Variants in TCTN1 observed in about 807,000 individuals in gnomAD.
TCTN1 encodes the protein tectonic-1.
Under a neutral mutation model 65.8 loss-of-function variants are expected in TCTN1, and 58 were observed. That is an observed-to-expected ratio of 0.88 (90% CI 0.71 to 1.10). TCTN1 has a LOEUF of 1.10. TCTN1 is among the 50% of genes least tolerant of loss of function. The probability of loss-of-function intolerance (pLI) is 0.00; values close to 1 mark genes in which losing one functional copy is unlikely to be tolerated. For synonymous variants in TCTN1, 273 were observed against 289.1 expected (o/e 0.94, Z 0.57); for missense variants, 645 against 719.4 (o/e 0.90, Z 1.18).
chr12:110,640,651 C>A lies in TCTN1; in HGVS notation c.978+134C>A. On this transcript the variant is annotated intron_variant, in intron 8 of 14. Transcript: ENST00000397659. The surrounding 1 kb of genome is among the most constrained non-coding windows in gnomAD (Gnocchi z 4.9). ...TGGCTTTTCTTGGCTCAGCTGCCTGCTTGTCTTTCTGCTGTCTCATCAAAG... is the reference window on the plus strand; with the variant it reads ...TGGCTTTTCTTGGCTCAGCTGCCTGATTGTCTTTCTGCTGTCTCATCAAAG... The A allele has an allele frequency of 8.0e-7, 1 of 1,254,574 alleles. No individual in the cohort carries two copies. The highest frequency in any genetic ancestry group is 1.2e-6 in the Non-Finnish European group (1 of 866,108). 77.7% of individuals were successfully genotyped at this position (1,254,574 alleles called of 1,614,324 possible).
intron 11 of TCTN1, chr12:110,643,555 C>A (rs1219304580): frequency 6.6e-6 from 1 of 151,982 alleles, no homozygotes. Context: ...TTTATTGTTT[C>A]CATTAAGGAA....
intron 4 of TCTN1, among the ~76,000 whole-genome samples, chr12:110,631,388 C>T (rs965399449): frequency 4.0e-5 from 6 of 151,150 alleles, no homozygotes; most frequent in Middle Eastern, 3.4e-3. Context: ...AATCCCAGCA[C>T]TTTGGGAGGC....
intron 7 of TCTN1, among the ~76,000 whole-genome samples, chr12:110,638,326 A>G (rs575772736): frequency 6.6e-6 from 1 of 152,354 alleles, no homozygotes; most frequent in South Asian, 2.1e-4. Flanking sequence ...TGTGCTCTAA[A>G]GGACAAGCAT....
chr12:110,648,909 C>A, intron 14 of TCTN1, 134 bp from the exon 15 acceptor site: 1 of 404,906 alleles, frequency 2.5e-6, no homozygotes, highest in South Asian at 1.8e-5. Context: ...GCTGATGCAG[C>A]TGGGGCACAC....
intron 2 of TCTN1, among the ~76,000 whole-genome samples, chr12:110,620,213 C>G (rs887690817): frequency 2.0e-5 from 3 of 152,028 alleles, no homozygotes; most frequent in African/African-American, 4.8e-5. Flanking sequence ...TGGGACCATT[C>G]TGGCTAACAC....
intron 2 of TCTN1, among the ~76,000 whole-genome samples, chr12:110,620,435 T>C (rs1037824382): frequency 1.3e-5 from 2 of 152,032 alleles, no homozygotes; most frequent in African/African-American, 4.8e-5. Context: ...CTATCCCTTA[T>C]TTGCATTCAG....
intron 2 of TCTN1, among the ~76,000 whole-genome samples, chr12:110,622,033 G>T (rs1165241154): frequency 6.6e-6 from 1 of 151,916 alleles, no homozygotes; most frequent in Non-Finnish European, 1.5e-5. Flanking sequence ...AGCTACTCAG[G>T]GGGCTGAGGT....
At chr12:110,645,537 G>C (rs765084872) in intron 12 of TCTN1, 1 of 298,390 alleles carries the variant, frequency 3.4e-6, no homozygotes, top group Non-Finnish European at 6.5e-6. Flanking sequence ...TGACACGATA[G>C]ACGAATGTTG....
intron 1 of TCTN1, among the ~76,000 whole-genome samples, chr12:110,617,782 G>A (rs538352710): frequency 1.3e-5 from 2 of 149,656 alleles, no homozygotes; most frequent in Admixed American, 1.3e-4. Flanking sequence ...CTGGGACTAC[G>A]GGTGTGTGCC....
Position 110,619,923 on chromosome 12 carries a change from G to A in TCTN1, c.308G>A (p.Ser103Asn). The change falls in exon 2 of 15, where the codon AGT becomes AAT. Residue 103 changes from serine (S) to asparagine (N), a missense_variant. Physicochemically the swap from Ser to Asn is conservative, Grantham distance 46 (BLOSUM62 1). Transcript: ENST00000397659. ...CDPDCSSVDF[S>N]VFSACSVPVV... ...CCCGACTGCAGCTCCGTGGATTTCA[G>A]TGTCTTTTCTGCCTGCTCAGTTCCA... The A allele has an allele frequency of 1.2e-6, 2 of 1,614,114 alleles. No individual in the cohort carries two copies. Among genetic ancestry groups the A allele is most frequent in the Non-Finnish European group, 1.7e-6 (2 of 1,180,028 alleles).
intron 14 of TCTN1, 119 bp from the exon 15 acceptor site, chr12:110,648,924 G>A: frequency 7.2e-6 from 3 of 414,928 alleles, no homozygotes; most frequent in South Asian, 5.3e-5. Context: ...GCACACAGAG[G>A]AGGGGCCTGG....
chr12:110,649,076 G>A lies in TCTN1; in HGVS notation c.*35G>A, dbSNP rs185774837. On this transcript the variant is annotated 3_prime_UTR_variant, in exon 15 of 15. Transcript: ENST00000397659. ...GATGCATCAGTTCCTTAATATACACGTGAAATTTGAAAACTGTACATTCGG... is the reference window on the plus strand; with the variant it reads ...GATGCATCAGTTCCTTAATATACACATGAAATTTGAAAACTGTACATTCGG... 4.7e-5 allele frequency: 27 copies of A among 573,630 alleles called. 1 individual carries two copies. The highest frequency in any genetic ancestry group is 2.5e-4 in the South Asian group (16 of 64,690). 35.5% of individuals were successfully genotyped at this position (573,630 alleles called of 1,614,324 possible).
intron 3 of TCTN1, 149 bp downstream of exon 3, chr12:110,626,641 G>T (rs570284747): frequency 6.5e-6 from 5 of 765,686 alleles, no homozygotes; most frequent in Non-Finnish European, 8.1e-6. Context: ...GTGCAGTGGC[G>T]CAATCTCGGC....
intron 5 of TCTN1, among the ~76,000 whole-genome samples, chr12:110,632,976 G>A (rs1235750470): frequency 3.9e-5 from 6 of 152,206 alleles, no homozygotes; most frequent in Admixed American, 3.9e-4. Flanking sequence ...GTGCTTGTAT[G>A]TGTTTTCCCT....
In TCTN1 at chr12:110,641,105, G is replaced by T; in HGVS notation, c.1060G>T (p.Val354Leu). The change falls in exon 9 of 15, where the codon GTA becomes TTA. Residue 354 changes from valine (V) to leucine (L), a missense_variant. Physicochemically the swap from Val to Leu is conservative, Grantham distance 32. Transcript: ENST00000397659. Reference protein sequence around the residue: ...LSFVLGTVSSVVVPLQQKFEI... With the variant: ...LSFVLGTVSSLVVPLQQKFEI... ...ATTCGTTCTGGGGACAGTTAGCAGC[G>T]TAGTGGTCCCACTGCAGCAAAAGTT... 2 of 1,614,236 alleles carry T rather than the reference G, an allele frequency of 1.2e-6. No individual in the cohort carries two copies. Among genetic ancestry groups the T allele is most frequent in the South Asian group, 1.1e-5 (1 of 91,090 alleles).
chr12:110,637,161 C>G (rs114391560), intron 7 of TCTN1, among the ~76,000 whole-genome samples: 1 of 152,338 alleles, frequency 6.6e-6, no homozygotes, highest in African/African-American at 2.4e-5. Flanking sequence ...AACTGGCCAG[C>G]CTAGGTTCAA....
At chr12:110,624,078 GCTAT>G (rs1231721667) in intron 2 of TCTN1, among the ~76,000 whole-genome samples, 2 of 150,660 alleles carry the variant, frequency 1.3e-5, no homozygotes, top group East Asian at 2.0e-4. Context: ...TGTCTGTCCA[GCTAT>G]CTGTCTATTT....
At chr12:110,619,159 C>G (rs1010715297) in intron 1 of TCTN1, among the ~76,000 whole-genome samples, 2 of 151,882 alleles carry the variant, frequency 1.3e-5, no homozygotes, top group Non-Finnish European at 2.9e-5. Flanking sequence ...GCCTGGGCAA[C>G]AAGAGCCGAA....
chr12:110,640,940 G>T lies in TCTN1; in HGVS notation c.979-84G>T. 1 of 1,581,086 alleles carries T rather than the reference G, an allele frequency of 6.3e-7. No homozygotes were observed. Among genetic ancestry groups the T allele is most frequent in the Non-Finnish European group, 8.7e-7 (1 of 1,152,884 alleles). On this transcript the variant is annotated intron_variant, in intron 8 of 14. Coordinates refer to ENST00000397659, the MANE Select transcript of TCTN1 (RefSeq NM_001082538.3). The surrounding 1 kb of genome is among the most constrained non-coding windows in gnomAD (Gnocchi z 4.9). ...CACATGGAGAAACAGGGAAAGATTTGCTATCTATGGGTGTTTTCAGTTATT... is the reference window on the plus strand; with the variant it reads ...CACATGGAGAAACAGGGAAAGATTTTCTATCTATGGGTGTTTTCAGTTATT...
Sources: allele counts gnomAD v4.1 joint callset (sites outside exome capture counted in the v4.1 genomes callset), GRCh38; gene constraint gnomAD v4.1.1; non-coding constraint Gnocchi (gnomAD v3.1); transcripts MANE v1.5; gene names NCBI Gene and HGNC (gene_info 2026-07-23, HGNC 2026-07-21).